MGAT4C: variants seen among roughly 807,000 people sequenced by gnomAD.
MGAT4C encodes alpha-1,3-mannosyl-glycoprotein 4-beta-N-acetylglucosaminyltransferase C.
Under a neutral mutation model 40.1 loss-of-function variants are expected in MGAT4C, and 19 were observed. The observed-to-expected ratio is 0.47, with a 90% CI of 0.33 to 0.70. MGAT4C has a LOEUF of 0.70. Ranked by LOEUF, MGAT4C falls within the 30% of genes least tolerant of loss-of-function variation. The probability of loss-of-function intolerance (pLI) is 0.02; values close to 1 mark genes in which losing one functional copy is unlikely to be tolerated. For synonymous variants in MGAT4C, 181 were observed against 187.1 expected (o/e 0.97, Z 0.27); for missense variants, 491 against 563.2 (o/e 0.87, Z 1.30).
intron 2 of MGAT4C, among the ~76,000 whole-genome samples, chr12:86,725,339 G>C (rs1950803520): frequency 6.6e-6 from 1 of 152,100 alleles, no homozygotes; most frequent in Non-Finnish European, 1.5e-5. Flanking sequence ...CACATCCTTA[G>C]CCTTAAACAA....
intron 2 of MGAT4C, among the ~76,000 whole-genome samples, chr12:86,626,384 G>A (rs758409092): frequency 2.6e-5 from 4 of 152,022 alleles, no homozygotes; most frequent in Admixed American, 2.0e-4. Flanking sequence ...AATTATAACC[G>A]AGCGGATGAA....
Position 85,966,154 on chromosome 12 carries a change from T to C in MGAT4C, c.*13135A>G, listed in dbSNP as rs762693155. The C allele has an allele frequency of 6.6e-6, 1 of 152,178 alleles. No individual in the cohort carries two copies. Among genetic ancestry groups the C allele is most frequent in the Non-Finnish European group, 1.5e-5 (1 of 68,010 alleles). 9.4% of individuals were successfully genotyped at this position (152,178 alleles called of 1,614,324 possible). Reference sequence around the variant, plus strand: ...AAAAATCTAAACAATAATAACCAGATGGAGGAAAATGATACCATCTGATTT... The same window carrying C: ...AAAAATCTAAACAATAATAACCAGACGGAGGAAAATGATACCATCTGATTT... On this transcript the variant is annotated 3_prime_UTR_variant, in exon 5 of 5. Transcript: ENST00000611864.
intron 2 of MGAT4C, among the ~76,000 whole-genome samples, chr12:86,546,566 C>T (rs1959193949): frequency 6.6e-6 from 1 of 151,940 alleles, no homozygotes; most frequent in African/African-American, 2.4e-5. Context: ...TAAAACTAAA[C>T]TTTGACTTAA....
chr12:86,058,501 A>G (rs1386118381), intron 1 of MGAT4C, among the ~76,000 whole-genome samples: 1 of 152,116 alleles, frequency 6.6e-6, no homozygotes, highest in Non-Finnish European at 1.5e-5. Flanking sequence ...AGTTCTTTAA[A>G]ATTGGGAAAT....
intron 3 of MGAT4C, among the ~76,000 whole-genome samples, chr12:86,353,656 C>T (rs1252595894): frequency 6.6e-6 from 1 of 152,146 alleles, no homozygotes; most frequent in Non-Finnish European, 1.5e-5. Flanking sequence ...GGAGACAGTG[C>T]AACTGGTAGC....
chr12:86,459,084 T>C (rs1445543549), intron 2 of MGAT4C, among the ~76,000 whole-genome samples: 1 of 152,174 alleles, frequency 6.6e-6, no homozygotes, highest in Non-Finnish European at 1.5e-5. Context: ...CATGTAGGTA[T>C]AACTGTAGTA....
intron 1 of MGAT4C, among the ~76,000 whole-genome samples, chr12:86,069,861 C>G (rs1255060869): frequency 6.6e-6 from 1 of 151,976 alleles, no homozygotes; most frequent in East Asian, 1.9e-4. Context: ...CTAAATAGAG[C>G]AACTAGAATG....
At chr12:86,426,875 AG>A (rs1956935955) in intron 3 of MGAT4C, among the ~76,000 whole-genome samples, 2 of 152,120 alleles carry the variant, frequency 1.3e-5, no homozygotes, top group South Asian at 4.1e-4. Flanking sequence ...TGAACCCGGG[AG>A]GCAGAGCTTG....
In MGAT4C at chr12:85,959,811, T is replaced by A. The variant is rs1883016908; in HGVS notation, c.*19478A>T. 6.6e-6 allele frequency: 1 copy of A among 151,960 alleles called. No homozygotes were observed. Among genetic ancestry groups the A allele is most frequent in the Non-Finnish European group, 1.5e-5 (1 of 67,942 alleles). 9.4% of individuals were successfully genotyped at this position (151,960 alleles called of 1,614,324 possible). ...TTAACTGAATCAATTTTGGCTTTGTTTCTTTATGAAATTACTTTTAGATAA... is the reference window on the plus strand; with the variant it reads ...TTAACTGAATCAATTTTGGCTTTGTATCTTTATGAAATTACTTTTAGATAA... On this transcript the variant is annotated 3_prime_UTR_variant, in exon 5 of 5. Transcript: ENST00000611864.
intron 1 of MGAT4C, among the ~76,000 whole-genome samples, chr12:86,221,124 C>G (rs1216466633): frequency 6.6e-6 from 1 of 152,106 alleles, no homozygotes; most frequent in East Asian, 1.9e-4. Flanking sequence ...TGAACGGAAT[C>G]AACAGAGAAG....
intron 4 of MGAT4C, among the ~76,000 whole-genome samples, chr12:86,330,091 A>G (rs1267412874): frequency 6.6e-6 from 1 of 152,194 alleles, no homozygotes; most frequent in African/African-American, 2.4e-5. Flanking sequence ...GCTGAAGGAA[A>G]TTAAGAAAAC....
intron 3 of MGAT4C, among the ~76,000 whole-genome samples, chr12:86,353,530 T>A (rs923638191): frequency 6.6e-6 from 1 of 152,262 alleles, no homozygotes; most frequent in African/African-American, 2.4e-5. Flanking sequence ...CTCTAGGAAC[T>A]GTGACCGCTA....
intron 1 of MGAT4C, among the ~76,000 whole-genome samples, chr12:86,199,823 A>T (rs1245842983): frequency 6.6e-6 from 1 of 152,154 alleles, no homozygotes; most frequent in Non-Finnish European, 1.5e-5. Context: ...CAAATACATA[A>T]ATCATCTTCT....
In MGAT4C at chr12:86,184,736, GT is replaced by G. The variant is rs1425251281; in HGVS notation, c.-57+71502del. ...TTCCTGCCTTATTTCTTTTTCTCCT[GT>G]TAAAAAAAAAAAAAAAAAAAAAAAA... On this transcript the variant is annotated intron_variant, in intron 1 of 4. Transcript: ENST00000611864. Among the ~76,000 whole-genome samples, 4 of 34,356 alleles carry G rather than the reference GT, an allele frequency of 1.2e-4. No individual in the cohort carries two copies. In the East Asian group the frequency reaches 2.0e-3, roughly 17 times the overall value. 22.5% of individuals were successfully genotyped at this position (34,356 alleles called of 152,430 possible). A position where few individuals can be genotyped will look rare whatever the true frequency, so the allele number is the denominator to read the frequency against.
intron 1 of MGAT4C, among the ~76,000 whole-genome samples, chr12:86,060,596 G>A (rs1037489993): frequency 2.0e-5 from 3 of 151,760 alleles, no homozygotes; most frequent in Non-Finnish European, 2.9e-5. Context: ...ATGAACCCTC[G>A]CATTGAGCAA....
intron 1 of MGAT4C, among the ~76,000 whole-genome samples, chr12:86,112,164 T>G (rs1222614127): frequency 6.6e-6 from 1 of 151,730 alleles, no homozygotes; most frequent in Non-Finnish European, 1.5e-5. Flanking sequence ...GAATAATAGT[T>G]ATTGAAGTGA....
At chr12:86,651,226 C>A (rs1489908198) in intron 2 of MGAT4C, among the ~76,000 whole-genome samples, 2 of 151,790 alleles carry the variant, frequency 1.3e-5, no homozygotes, top group South Asian at 2.1e-4. Flanking sequence ...AGCACAGATT[C>A]TTCTTCATGG....
intron 1 of MGAT4C, among the ~76,000 whole-genome samples, chr12:86,227,248 T>C (rs1445281611): frequency 1.3e-5 from 2 of 151,770 alleles, no homozygotes; most frequent in Non-Finnish European, 2.9e-5. Context: ...TCCTCATTTT[T>C]AAAACTTCCA....
chr12:86,397,579 A>G (rs1956283998), intron 3 of MGAT4C, among the ~76,000 whole-genome samples: 1 of 151,982 alleles, frequency 6.6e-6, no homozygotes, highest in African/African-American at 2.4e-5. Flanking sequence ...CCCTACTTCT[A>G]CTTTATTAGC....
Sources: allele counts gnomAD v4.1 joint callset (sites outside exome capture counted in the v4.1 genomes callset), GRCh38; gene constraint gnomAD v4.1.1; transcripts MANE v1.5; gene names NCBI Gene and HGNC (gene_info 2026-07-23, HGNC 2026-07-21).